The following DNAAF4 variants were observed in gnomAD, a reference collection of about 807,000 sequenced individuals.
The protein encoded by DNAAF4 is dynein axonemal assembly factor 4.
DNAAF4 carries 43 observed loss-of-function variants against 51.8 expected under a neutral mutation model. The observed-to-expected ratio is 0.83, with a 90% CI of 0.65 to 1.07. The LOEUF is 1.07. DNAAF4 is among the 50% of genes least tolerant of loss of function. DNAAF4 has a pLI of 0.00. For synonymous variants in DNAAF4, 194 were observed against 165.6 expected, an observed-to-expected ratio of 1.17 and a Z score of -1.32; for missense variants, 581 against 493.0, an observed-to-expected ratio of 1.18 and a Z score of -1.69.
At chr15:55,467,231 T>C (rs12913019) in intron 4 of DNAAF4, 70 bp from the exon 5 acceptor site, 1 of 1,308,582 alleles carries the variant, frequency 7.6e-7, no homozygotes, top group East Asian at 2.4e-5. Flanking sequence ...GAGAAATTCA[T>C]TACAATAATT....
At chr15:55,429,175 T>C (rs757064362), downstream of DNAAF4, among the ~76,000 whole-genome samples, 1 of 151,256 alleles carries the variant, frequency 6.6e-6, no homozygotes, top group African/African-American at 2.4e-5. Context: ...TGAGCCGAGA[T>C]TGCACCACTG....
chr15:55,463,763 A>G lies in DNAAF4; in HGVS notation c.637+3167T>C, dbSNP rs141960071. Among the ~76,000 whole-genome samples the G allele has an allele frequency of 5.8e-3, 888 of 152,242 alleles. 9 individuals are homozygous for G. The highest frequency in any genetic ancestry group is 0.02 in the African/African-American group (850 of 41,542). ...ATATACCTAACTAAAGAGGTGAAAG[A>G]TCTCACAAGGAAAACTACAAAACAC... is the stretch of plus-strand genomic sequence containing the variant. On this transcript the variant is annotated intron_variant, in intron 5 of 9. Transcript: ENST00000321149.
intron 1 of DNAAF4, among the ~76,000 whole-genome samples, chr15:55,499,193 G>T (rs2058678883): frequency 6.6e-6 from 1 of 152,114 alleles, no homozygotes; most frequent in Non-Finnish European, 1.5e-5. Flanking sequence ...ATCCAGAGCG[G>T]CTAACTGGGT....
At chr15:55,488,863 C>T (rs1291940287) in intron 4 of DNAAF4, among the ~76,000 whole-genome samples, 1 of 152,106 alleles carries the variant, frequency 6.6e-6, no homozygotes, top group Non-Finnish European at 1.5e-5. Flanking sequence ...CCAAGACGGG[C>T]AGATCACGAG....
intron 8 of DNAAF4, among the ~76,000 whole-genome samples, chr15:55,433,552 G>C (rs1260297152): frequency 4.7e-5 from 7 of 148,328 alleles, no homozygotes; most frequent in Non-Finnish European, 7.4e-5. Context: ...CGTGAACCGG[G>C]GAGGCGGAGC....
chr15:55,461,059 C>T (rs1008489833), intron 5 of DNAAF4, among the ~76,000 whole-genome samples: 18 of 151,808 alleles, frequency 1.2e-4, no homozygotes, highest in Non-Finnish European at 2.6e-4. Context: ...GCCACTGCGC[C>T]CAGCCATCTC....
downstream of DNAAF4, among the ~76,000 whole-genome samples, chr15:55,428,484 C>CTTTTTCTTTTTTTTTTTTT (rs2057453067): frequency 2.4e-5 from 2 of 85,014 alleles, no homozygotes; most frequent in African/African-American, 4.2e-5. Context: ...TCTTTTTTTT[C>CTTTTTCTTTTTTTTTTTTT]TTTTTTTTTT....
chr15:55,476,942 G>A (rs113976911), intron 4 of DNAAF4, among the ~76,000 whole-genome samples: 7,568 of 152,148 alleles, frequency 0.05, 645 homozygotes, highest in African/African-American at 0.18. Context: ...AGGCCAAGGC[G>A]GGTGGATCAC....
In DNAAF4 at chr15:55,443,175, G is replaced by C. The variant is rs1595899361; in HGVS notation, c.784-3594C>G. On this transcript the variant is annotated intron_variant, in intron 6 of 9. Transcript: ENST00000321149. ...CACATTTCTTCATAAACTGGTCAAAGAGCAGTCTTAGGTCCTTGTTCCAGC... is the reference window on the plus strand; with the variant it reads ...CACATTTCTTCATAAACTGGTCAAACAGCAGTCTTAGGTCCTTGTTCCAGC... 4.3e-6 allele frequency: 7 copies of C among 1,610,452 alleles called. No individual in the cohort carries two copies. In the African/African-American group the frequency reaches 5.3e-5, roughly 12 times the overall value.
At chr15:55,446,577 G>T (rs576502936) in intron 6 of DNAAF4, among the ~76,000 whole-genome samples, 19 of 144,134 alleles carry the variant, frequency 1.3e-4, no homozygotes, top group Admixed American at 1.1e-3. Context: ...ATGAAGGGCA[G>T]CCAGGCAGAG....
intron 6 of DNAAF4, among the ~76,000 whole-genome samples, chr15:55,448,519 GGT>G (rs111911388): frequency 0.015 from 1,537 of 99,854 alleles, 44 homozygotes; most frequent in African/African-American, 0.048. Context: ...AAAAAAAAAG[GGT>G]GTGTGTGTGT....
In DNAAF4 at chr15:55,430,752, T is replaced by C. The variant is rs1294841195; in HGVS notation, c.1181A>G (p.Lys394Arg). The change falls in exon 10 of 10, where the codon AAG (lysine) becomes AGG (arginine). Residue 394 changes from lysine to arginine, a missense_variant. By Grantham distance (26) the Lys-to-Arg change is conservative. Transcript: ENST00000321149. ...EGLQDYEAAL[K>R]IDPSNKIVQI... ...TACAATTTTGTTGGATGGATCAATCTTAAGTGCCGCTTCATAATCCTGTAG... is the reference window on the plus strand; with the variant it reads ...TACAATTTTGTTGGATGGATCAATCCTAAGTGCCGCTTCATAATCCTGTAG... The C allele has an allele frequency of 6.2e-7, 1 of 1,613,300 alleles. No individual in the cohort carries two copies. The highest frequency in any genetic ancestry group is 8.5e-7 in the Non-Finnish European group (1 of 1,179,622).
At chr15:55,446,071 G>T (rs2057801529) in intron 6 of DNAAF4, among the ~76,000 whole-genome samples, 1 of 124,308 alleles carries the variant, frequency 8.0e-6, no homozygotes, top group South Asian at 2.7e-4. Flanking sequence ...TCCCAGATGG[G>T]GTGGCGGCCG....
chr15:55,442,557 G>A (rs1179090269), intron 6 of DNAAF4: 10 of 957,646 alleles, frequency 1.0e-5, no homozygotes, highest in Non-Finnish European at 1.7e-5. Context: ...ATTCAGCAGT[G>A]AGGGAGCAGA....
chr15:55,428,484 C>CTTTTTTTTTTTTTTTTTTT (rs747325376), downstream of DNAAF4, among the ~76,000 whole-genome samples: 2 of 85,012 alleles, frequency 2.4e-5, no homozygotes, highest in Non-Finnish European at 4.6e-5. Flanking sequence ...TCTTTTTTTT[C>CTTTTTTTTTTTTTTTTTTT]TTTTTTTTTT....
At position 55,418,283 on chromosome 15, in the gene DNAAF4, C is replaced by T. The variant is rs764597108; in HGVS notation, c.1048-150G>A. On this transcript the variant is annotated intron_variant, in intron 7 of 7. Coordinates refer to the DNAAF4 transcript ENST00000448430. ...AGAAATGAAATCTGAACAACTGCCT[C>T]CTTGTGTGAACCCTGGCAATCCTGT... The T allele has an allele frequency of 3.9e-6, 6 of 1,551,696 alleles. No individual in the cohort carries two copies. The South Asian group carries it at 5.9e-5, about 15-fold the overall frequency.
intron 7 of DNAAF4, among the ~76,000 whole-genome samples, chr15:55,419,126 T>C (rs1024631956): frequency 6.6e-6 from 1 of 152,096 alleles, no homozygotes; most frequent in South Asian, 2.1e-4. Flanking sequence ...CCCTGTTAGC[T>C]AGGATGGTCT....
At chr15:55,504,624 T>C (rs2058716942) in intron 1 of DNAAF4, among the ~76,000 whole-genome samples, 1 of 152,152 alleles carries the variant, frequency 6.6e-6, no homozygotes, top group Non-Finnish European at 1.5e-5. Context: ...ACTATACATC[T>C]ACAACCATCT....
At chr15:55,464,265 A>C (rs928212969) in intron 5 of DNAAF4, among the ~76,000 whole-genome samples, 1 of 152,206 alleles carries the variant, frequency 6.6e-6, no homozygotes, top group Non-Finnish European at 1.5e-5. Flanking sequence ...AGGGGTATGA[A>C]ACTGGATCCT....
Sources: gnomAD v4.1 joint callset for allele counts (sites outside exome capture counted in the v4.1 genomes callset) on GRCh38, gnomAD v4.1.1 for gene constraint, MANE v1.5 for transcripts, NCBI Gene and HGNC (gene_info 2026-07-23, HGNC 2026-07-21) for gene names.